The following NDUFA10 variants were observed in gnomAD, a reference collection of about 807,000 sequenced individuals.
NDUFA10 encodes NADH dehydrogenase [ubiquinone] 1 alpha subcomplex subunit 10, mitochondrial.
Under a neutral mutation model 47.8 loss-of-function variants are expected in NDUFA10, and 40 were observed. The ratio of observed to expected loss-of-function variants is 0.84; its 90% CI spans 0.65 to 1.09. The LOEUF (loss-of-function observed/expected upper bound fraction) is 1.09. NDUFA10 is among the 50% of genes least tolerant of loss of function. The pLI, the probability that NDUFA10 is intolerant of heterozygous loss-of-function variation, is 0.00. For synonymous variants in NDUFA10, 183 were observed against 172.2 expected, an observed-to-expected ratio of 1.06 and a Z score of -0.49; for missense variants, 413 against 451.1, an observed-to-expected ratio of 0.92 and a Z score of 0.76.
Position 240,012,458 on chromosome 2 carries a change from G to C in NDUFA10, c.670-762C>G, listed in dbSNP as rs1328552930. Reference sequence around the variant, plus strand: ...GTCCCTAGCACCAAGCAGGGTCTAGGACAGGGTGGATGCTCAATCAACACT... The same window carrying C: ...GTCCCTAGCACCAAGCAGGGTCTAGCACAGGGTGGATGCTCAATCAACACT... On this transcript the variant is annotated intron_variant, in intron 5 of 9. Transcript: ENST00000252711. 6 of 152,390 alleles carry C rather than the reference G, an allele frequency of 3.9e-5. No homozygotes were observed. The East Asian group carries it at 1.2e-3, about 30-fold the overall frequency. The allele number at this position is 152,390 out of a possible 1,614,324, so 9.4% of individuals were successfully genotyped here. A position where few individuals can be genotyped will look rare whatever the true frequency, so the allele number is the denominator to read the frequency against.
intron 7 of NDUFA10, among the ~76,000 whole-genome samples, chr2:240,006,438 C>A (rs1696951122): frequency 6.6e-6 from 1 of 152,142 alleles, no homozygotes; most frequent in Non-Finnish European, 1.5e-5. Context: ...TCTCACCCTC[C>A]CAATGCTGAG....
intron 9 of NDUFA10, among the ~76,000 whole-genome samples, chr2:239,978,773 G>A (rs573529171): frequency 2.0e-5 from 3 of 152,310 alleles, no homozygotes; most frequent in Admixed American, 2.0e-4. Flanking sequence ...AAACACTTTG[G>A]AACCATTTGA....
chr2:240,018,304 G>A, intron 4 of NDUFA10: 1 of 1,123,650 alleles, frequency 8.9e-7, no homozygotes, highest in South Asian at 1.5e-5. Flanking sequence ...AGCTGCGTGT[G>A]TTTGAGGTCC....
chr2:239,989,966 A>C, intron 9 of NDUFA10, 108 bp downstream of exon 9: 1 of 849,796 alleles, frequency 1.2e-6, no homozygotes, highest in Non-Finnish European at 2.0e-6. Context: ...CACTAAAACA[A>C]ACAAAACACA....
At chr2:239,929,333 G>A (rs1337716027) in intron 4 of NDUFA10, among the ~76,000 whole-genome samples, 1 of 152,184 alleles carries the variant, frequency 6.6e-6, no homozygotes, top group Non-Finnish European at 1.5e-5. Context: ...GAAGGTGGTT[G>A]AGAATGGGAA....
At chr2:239,989,083 C>T (rs112401251) in intron 9 of NDUFA10, among the ~76,000 whole-genome samples, 5,021 of 152,310 alleles carry the variant, frequency 0.033, 293 homozygotes, top group African/African-American at 0.11. Context: ...ACAGCACACA[C>T]ACTCACACAC....
At chr2:239,963,775 C>A (rs1574817702) in intron 9 of NDUFA10, among the ~76,000 whole-genome samples, 2 of 152,336 alleles carry the variant, frequency 1.3e-5, no homozygotes, top group East Asian at 3.9e-4. Flanking sequence ...AGCCGACCAT[C>A]CAGGGTGCTG....
intron 4 of NDUFA10, among the ~76,000 whole-genome samples, chr2:239,915,611 C>A (rs1693852210): frequency 6.6e-6 from 1 of 150,782 alleles, no homozygotes; most frequent in Non-Finnish European, 1.5e-5. Flanking sequence ...CACACACACA[C>A]ACATACACAG....
chr2:239,902,931 G>T (rs1693579539), intron 4 of NDUFA10, among the ~76,000 whole-genome samples: 2 of 152,192 alleles, frequency 1.3e-5, no homozygotes, highest in African/African-American at 4.8e-5. Flanking sequence ...CGAAGAGACA[G>T]CAGGAGCCCA....
intron 9 of NDUFA10, among the ~76,000 whole-genome samples, chr2:239,971,565 C>G (rs1484608233): frequency 1.3e-5 from 2 of 152,246 alleles, no homozygotes; most frequent in African/African-American, 4.8e-5. Flanking sequence ...AAGTAGAAAC[C>G]TTTTTACTAG....
At chr2:239,994,697 G>A (rs892461463) in intron 8 of NDUFA10, among the ~76,000 whole-genome samples, 5 of 152,110 alleles carry the variant, frequency 3.3e-5, no homozygotes, top group Admixed American at 6.5e-5. Context: ...GTTTGGGACC[G>A]CTGCAATAGA....
At position 240,018,080 on chromosome 2, in the gene NDUFA10, C is replaced by T. The variant is rs1189299905; in HGVS notation, c.547+473G>A. Reference sequence around the variant, plus strand: ...GCCACTTGTCAGACCTTCCCCAATACAGCAACACAAAGCTACTGTCCTGAA... The same window carrying T: ...GCCACTTGTCAGACCTTCCCCAATATAGCAACACAAAGCTACTGTCCTGAA... On this transcript the variant is annotated intron_variant, in intron 4 of 9. Coordinates refer to ENST00000252711, the MANE Select transcript of NDUFA10 (RefSeq NM_004544.4). 3.3e-5 allele frequency among the ~76,000 whole-genome samples: 5 copies of T among 152,324 alleles called. No individual in the cohort carries two copies. In the East Asian group the frequency reaches 7.7e-4, roughly 23 times the overall value.
intron 5 of NDUFA10, chr2:240,013,492 T>C (rs1461470787): frequency 6.6e-6 from 1 of 152,268 alleles, no homozygotes; most frequent in Non-Finnish European, 1.5e-5. Flanking sequence ...GTTAGTCCAC[T>C]GAGAAACAAA....
Position 239,984,842 on chromosome 2 carries a change from G to A in NDUFA10, c.999+5232C>T, listed in dbSNP as rs531946005. Among the ~76,000 whole-genome samples the A allele has an allele frequency of 6.6e-5, 10 of 152,346 alleles. No homozygotes were observed. The East Asian group carries it at 1.2e-3, about 18-fold the overall frequency. On this transcript the variant is annotated intron_variant, in intron 9 of 9. Transcript: ENST00000252711. The stretch of plus-strand genomic sequence containing the variant: ...GCAGAGCCGGGGGGCTGAGAAGCCC[G>A]GCAGAGCTTTCAGCAGCAGGAGTGC...
intron 9 of NDUFA10, among the ~76,000 whole-genome samples, chr2:239,985,782 A>G (rs183838130): frequency 6.6e-6 from 1 of 152,180 alleles, no homozygotes; most frequent in Non-Finnish European, 1.5e-5. Flanking sequence ...ATGGTGGCGC[A>G]TGCCTGTAGT....
chr2:240,018,299 C>T (rs1697450248), intron 4 of NDUFA10: 5 of 1,044,564 alleles, frequency 4.8e-6, no homozygotes, highest in Admixed American at 4.5e-5. Flanking sequence ...CTTTAAGCTG[C>T]GTGTGTTTGA....
chr2:240,025,293 C>T lies in NDUFA10; in HGVS notation c.9G>A (p.Leu3=). Residue 3 remains leucine, a synonymous_variant, in exon 1 of 10, where the codon TTG becomes TTA. Transcript: ENST00000252711. Reference sequence around the variant, plus strand: ...ACGTCGCTGCCAGCTTCAGGAGCCGCAAGGCCATGGCTACCCGGTCAGCTC... The same window carrying T: ...ACGTCGCTGCCAGCTTCAGGAGCCGTAAGGCCATGGCTACCCGGTCAGCTC... MA[L]RLLKLAATSA... is the part of the protein sequence containing the mutation. 1 of 1,506,654 alleles carries T rather than the reference C, an allele frequency of 6.6e-7. No individual in the cohort carries two copies. Among genetic ancestry groups the T allele is most frequent in the Non-Finnish European group, 8.8e-7 (1 of 1,131,332 alleles). 93.3% of individuals were successfully genotyped at this position (1,506,654 alleles called of 1,614,324 possible).
rs897539179 is a variant in NDUFA10 at position 239,945,678 on chromosome 2, C to A, written c.294+44396G>T. On this transcript the variant is annotated intron_variant, in intron 4 of 5. Coordinates refer to the NDUFA10 transcript ENST00000419408. This position sits in a 1 kb window ranked among gnomAD's most constrained non-coding sequence, Gnocchi z 4.6. ...TGGGATGAAAACCAGCATGTCAGAG[C>A]AGAAGCATCTCCAGAGCTTCCACCC... Among the ~76,000 whole-genome samples the A allele has an allele frequency of 1.4e-4, 21 of 152,226 alleles. No homozygotes were observed. The highest frequency in any genetic ancestry group is 5.1e-4 in the African/African-American group (21 of 41,456).
At chr2:239,940,879 CAG>C (rs1034144680) in intron 4 of NDUFA10, among the ~76,000 whole-genome samples, 9 of 152,206 alleles carry the variant, frequency 5.9e-5, no homozygotes, top group African/African-American at 1.7e-4. Flanking sequence ...CTACAAGGAA[CAG>C]AGTTATAAGA....
Sources: gnomAD v4.1 joint callset for allele counts (sites outside exome capture counted in the v4.1 genomes callset) on GRCh38, gnomAD v4.1.1 for gene constraint, Gnocchi (gnomAD v3.1) non-coding constraint, MANE v1.5 for transcripts, NCBI Gene and HGNC (gene_info 2026-07-23, HGNC 2026-07-21) for gene names.